Variants in ERP44 observed in about 807,000 individuals in gnomAD.
ERP44 encodes endoplasmic reticulum protein 44.
ERP44 carries 25 observed loss-of-function variants against 53.4 expected under a neutral mutation model. The observed-to-expected ratio is 0.47, with a 90% CI of 0.34 to 0.65. The LOEUF is 0.65. Ranked by LOEUF, ERP44 falls within the 30% of genes least tolerant of loss-of-function variation. ERP44 has a pLI of 0.01. For missense variants in ERP44, 338 were observed against 493.2 expected, an observed-to-expected ratio of 0.69 and a Z score of 2.98; for synonymous variants, 145 against 161.2, an observed-to-expected ratio of 0.90 and a Z score of 0.76.
At position 99,982,584 on chromosome 9, in the gene ERP44, A is replaced by T. The variant is rs866305343; in HGVS notation, c.*28T>A. ...ACCACGTAGGTTGATGCTGCTGTTG[A>T]AAGGCTTACAAACTGTTTTTCAAGT... On this transcript the variant is annotated 3_prime_UTR_variant, in exon 12 of 12. Coordinates refer to ENST00000262455, the MANE Select transcript of ERP44 (RefSeq NM_015051.3). 1 of 1,240,452 alleles carries T rather than the reference A, an allele frequency of 8.1e-7. No individual in the cohort carries two copies. Among genetic ancestry groups the T allele is most frequent in the Middle Eastern group, 2.0e-4 (1 of 5,072 alleles). 76.8% of individuals were successfully genotyped at this position (1,240,452 alleles called of 1,614,324 possible).
At chr9:100,090,707 C>G (rs1468502275) in intron 1 of ERP44, among the ~76,000 whole-genome samples, 1 of 151,794 alleles carries the variant, frequency 6.6e-6, no homozygotes, top group Non-Finnish European at 1.5e-5. Flanking sequence ...CGAGATCACG[C>G]CATTGCATTC....
chr9:99,988,970 G>A (rs1157732037), intron 10 of ERP44, among the ~76,000 whole-genome samples: 1 of 152,258 alleles, frequency 6.6e-6, no homozygotes, highest in Non-Finnish European at 1.5e-5. Flanking sequence ...CGAGGTGGCA[G>A]CCTGGCTGGA....
Position 100,096,586 on chromosome 9 carries a change from T to C in ERP44, c.57+2198A>G, listed in dbSNP as rs77696143. ...TTGGGATTATGTTTCAACTGTTATC[T>C]TATATGAACACCACTAAATTTGAAC... On this transcript the variant is annotated intron_variant, in intron 1 of 11. Coordinates refer to ENST00000262455, the MANE Select transcript of ERP44 (RefSeq NM_015051.3). 1.1e-4 allele frequency among the ~76,000 whole-genome samples: 17 copies of C among 152,206 alleles called. No homozygotes were observed. In the East Asian group the frequency reaches 2.9e-3, roughly 26 times the overall value.
At chr9:100,073,266 G>GT (rs893082928) in intron 1 of ERP44, among the ~76,000 whole-genome samples, 42 of 151,956 alleles carry the variant, frequency 2.8e-4, no homozygotes, top group African/African-American at 8.2e-4. Flanking sequence ...GCATGATCAA[G>GT]TTTTTTTTAA....
intron 1 of ERP44, among the ~76,000 whole-genome samples, chr9:100,079,052 G>C (rs1826390625): frequency 6.6e-6 from 1 of 152,142 alleles, no homozygotes; most frequent in Non-Finnish European, 1.5e-5. Context: ...AACTTGATTG[G>C]CTTGAAGGAT....
At position 99,998,498 on chromosome 9, in the gene ERP44, G is replaced by A. The variant is rs143564900; in HGVS notation, c.1016+8008C>T. ...TCCTGGTCTCTCCACGGCCTCCCTC[G>A]GAGCCCCGCTGTCCCGGCTCCCCCA... On this transcript the variant is annotated intron_variant, in intron 10 of 11. Transcript: ENST00000262455. 5.2e-5 allele frequency: 37 copies of A among 713,882 alleles called. No homozygotes were observed. In the East Asian group the frequency reaches 7.7e-4, roughly 15 times the overall value. 44.2% of individuals were successfully genotyped at this position (713,882 alleles called of 1,614,324 possible).
In ERP44 at chr9:100,016,305, C is replaced by T. The variant is rs767738023; in HGVS notation, c.762+17G>A. On this transcript the variant is annotated intron_variant, in intron 8 of 11. Transcript: ENST00000262455. ...CATTTGAATTTAAAGTAACAATGCA[C>T]AGTAGAAAGCCCATACCTCTCCATT... The T allele has an allele frequency of 1.3e-6, 2 of 1,591,506 alleles. No homozygotes were observed. Among genetic ancestry groups the T allele is most frequent in the Non-Finnish European group, 1.7e-6 (2 of 1,172,774 alleles).
chr9:100,047,210 T>C (rs1019537315), intron 4 of ERP44, among the ~76,000 whole-genome samples: 18 of 152,254 alleles, frequency 1.2e-4, no homozygotes, highest in Admixed American at 1.2e-3. Context: ...AGATACAACA[T>C]CAAAACTATA....
chr9:99,989,804 A>G (rs745414108), intron 10 of ERP44, among the ~76,000 whole-genome samples: 1 of 152,244 alleles, frequency 6.6e-6, no homozygotes, highest in Non-Finnish European at 1.5e-5. Flanking sequence ...GCTAACTAGA[A>G]TAAACAGTGT....
intron 8 of ERP44, 73 bp from the exon 9 acceptor site, chr9:100,007,762 A>C (rs1257207748): frequency 1.2e-6 from 1 of 842,178 alleles, no homozygotes; most frequent in Non-Finnish European, 2.0e-6. Flanking sequence ...AGGTAGGAAC[A>C]ATTTTGAACC....
At position 99,983,256 on chromosome 9, in the gene ERP44, C is replaced by T. The variant is rs193216592; in HGVS notation, c.1120-543G>A. Among the ~76,000 whole-genome samples, 159 of 152,190 alleles carry T rather than the reference C, an allele frequency of 1.0e-3. 1 individual carries two copies. Among genetic ancestry groups the T allele is most frequent in the Middle Eastern group, 6.8e-3 (2 of 294 alleles). ...GAGCAGACAAAAATACACAGTGAAA[C>T]GAGCTATTTCCAAGAATTTTAAAGA... On this transcript the variant is annotated intron_variant, in intron 11 of 11. Transcript: ENST00000262455.
intron 1 of ERP44, among the ~76,000 whole-genome samples, chr9:100,079,210 A>G (rs530336760): frequency 1.7e-4 from 26 of 152,314 alleles, no homozygotes; most frequent in African/African-American, 6.0e-4. Context: ...TAAAGCAGGC[A>G]GAAAAATGTG....
At chr9:100,087,369 G>A (rs554287793) in intron 1 of ERP44, among the ~76,000 whole-genome samples, 2 of 152,210 alleles carry the variant, frequency 1.3e-5, no homozygotes, top group Admixed American at 6.5e-5. Context: ...GCCGGAAGCT[G>A]GTCAAGTGAA....
intron 1 of ERP44, among the ~76,000 whole-genome samples, chr9:100,061,741 T>C (rs1164126416): frequency 6.6e-6 from 1 of 151,794 alleles, no homozygotes; most frequent in Non-Finnish European, 1.5e-5. Flanking sequence ...CAATAAATTA[T>C]ACTCTCCTAA....
At chr9:100,077,369 A>T (rs926734959) in intron 1 of ERP44, among the ~76,000 whole-genome samples, 6 of 152,226 alleles carry the variant, frequency 3.9e-5, no homozygotes, top group African/African-American at 1.4e-4. Flanking sequence ...GAACGATGGA[A>T]TCGCCTTTTG....
At chr9:100,059,522 C>T (rs1188488108) in intron 2 of ERP44, among the ~76,000 whole-genome samples, 1 of 152,042 alleles carries the variant, frequency 6.6e-6, no homozygotes, top group South Asian at 2.1e-4. Context: ...CATGTCTCTA[C>T]AAGAAAAATT....
intron 1 of ERP44, among the ~76,000 whole-genome samples, chr9:100,076,469 C>A (rs1004222403): frequency 6.6e-6 from 1 of 152,218 alleles, no homozygotes; most frequent in Non-Finnish European, 1.5e-5. Context: ...GCAGGCACCA[C>A]CCAAAAGTGG....
chr9:100,067,451 C>T (rs1203283756), intron 1 of ERP44, among the ~76,000 whole-genome samples: 12 of 152,230 alleles, frequency 7.9e-5, no homozygotes, highest in Non-Finnish European at 1.3e-4. Flanking sequence ...CCTCGGCCTC[C>T]CGAGGTGCCG....
rs1209718082 is a variant in ERP44, at chr9:99,979,217, C to T, written c.*3395G>A. The T allele has an allele frequency of 1.2e-4, 17 of 143,726 alleles. No homozygotes were observed. The highest frequency in any genetic ancestry group is 3.6e-3 in the Middle Eastern group (1 of 280). The allele number at this position is 143,726 out of a possible 1,614,324, so 8.9% of individuals were successfully genotyped here. The stretch of plus-strand genomic sequence containing the variant: ...AGTTTCATGTCATTTTATTTTGGTC[C>T]AGCCATATCTCCTTGTAGGAGAAAA... On this transcript the variant is annotated 3_prime_UTR_variant, in exon 12 of 12. Coordinates refer to ENST00000262455, the MANE Select transcript of ERP44 (RefSeq NM_015051.3).
Sources: gnomAD v4.1 joint callset for allele counts (sites outside exome capture counted in the v4.1 genomes callset) on GRCh38, gnomAD v4.1.1 for gene constraint, MANE v1.5 for transcripts, NCBI Gene and HGNC (gene_info 2026-07-23, HGNC 2026-07-21) for gene names.